Variants in C10orf90 observed in about 807,000 individuals in gnomAD.
C10orf90 encodes chromosome 10 open reading frame 90.
In C10orf90, 56 loss-of-function variants were observed where a neutral mutation model predicts 62.5. The observed-to-expected ratio is 0.90, with a 90% CI of 0.72 to 1.12. The LOEUF (loss-of-function observed/expected upper bound fraction) is 1.12. Ranked by LOEUF, C10orf90 falls within the 50% of genes most tolerant of loss-of-function variation. C10orf90 has a pLI of 0.00. For synonymous variants in C10orf90, 386 were observed against 340.4 expected, an observed-to-expected ratio of 1.13 and a Z score of -1.47; for missense variants, 970 against 880.4, an observed-to-expected ratio of 1.10 and a Z score of -1.29.
At chr10:126,429,577 C>A (rs1426673540) in intron 8 of C10orf90, among the ~76,000 whole-genome samples, 4 of 152,230 alleles carry the variant, frequency 2.6e-5, no homozygotes, top group Non-Finnish European at 5.9e-5. Context: ...TACCACTTTC[C>A]TAAGGTTTTT....
chr10:126,521,434 C>T, intron 2 of C10orf90: 1 of 1,557,854 alleles, frequency 6.4e-7, no homozygotes, highest in Non-Finnish European at 8.7e-7. Context: ...TGTGGCTAGG[C>T]TCAGAATGAG....
At chr10:126,496,199 T>G (rs551304920) in intron 4 of C10orf90, among the ~76,000 whole-genome samples, 1 of 152,320 alleles carries the variant, frequency 6.6e-6, no homozygotes, top group South Asian at 2.1e-4. Flanking sequence ...CCATTAATAA[T>G]GACTCTCTCC....
intron 4 of C10orf90, among the ~76,000 whole-genome samples, chr10:126,500,422 A>G (rs2133870579): frequency 6.6e-6 from 1 of 152,364 alleles, no homozygotes; most frequent in Middle Eastern, 3.4e-3. Flanking sequence ...GATACTCTTT[A>G]CAGATGGTTG....
chr10:126,658,040 G>A (rs1166692400), intron 1 of C10orf90, among the ~76,000 whole-genome samples: 6 of 152,314 alleles, frequency 3.9e-5, no homozygotes, highest in Admixed American at 6.5e-5. Flanking sequence ...CTCATTCACA[G>A]ACTTTGGGTG....
At chr10:126,658,954 A>C (rs1846451823) in intron 1 of C10orf90, among the ~76,000 whole-genome samples, 1 of 152,210 alleles carries the variant, frequency 6.6e-6, no homozygotes, top group Non-Finnish European at 1.5e-5. Flanking sequence ...TCCAGATTGC[A>C]GAGGCTGAAC....
rs547926994 is a variant in C10orf90 at position 126,508,102 on chromosome 10, C to T, written c.406-3017G>A. Among the ~76,000 whole-genome samples the T allele has an allele frequency of 7.4e-5, 11 of 149,270 alleles. No individual in the cohort carries two copies. In the East Asian group the frequency reaches 7.9e-4, roughly 11 times the overall value. On this transcript the variant is annotated intron_variant, in intron 3 of 9. Transcript: ENST00000488181. ...GTCTTATTTTATAGGGCAATGTTTC[C>T]CAAAGTTTGCGCCAGGGACTGCCTG...
intron 2 of C10orf90, among the ~76,000 whole-genome samples, chr10:126,628,585 G>T (rs941892599): frequency 2.0e-5 from 3 of 152,194 alleles, no homozygotes; most frequent in Non-Finnish European, 2.9e-5. Flanking sequence ...TGCTGATCTT[G>T]CTAGAGGTCA....
rs775464275 is a variant in C10orf90 at position 126,507,500 on chromosome 10, C to CAAAA, written c.406-2419_406-2416dup. Among the ~76,000 whole-genome samples, 238 of 114,170 alleles carry CAAAA rather than the reference C, an allele frequency of 2.1e-3. 2 individuals carry two copies. Among genetic ancestry groups the CAAAA allele is most frequent in the African/African-American group, 7.2e-3 (223 of 31,142 alleles). 74.9% of individuals were successfully genotyped at this position (114,170 alleles called of 152,430 possible). On this transcript the variant is annotated intron_variant, in intron 3 of 9. Transcript: ENST00000488181. ...CAAAATATCCATGGCTACTTTTTTCCAAAAAAAAAAAAAAAGGTCAATGCA... is the reference window on the plus strand; with the variant it reads ...CAAAATATCCATGGCTACTTTTTTCCAAAAAAAAAAAAAAAAAAAGGTCAATGCA...
At chr10:126,605,077 T>A (rs1170664826) in intron 2 of C10orf90, among the ~76,000 whole-genome samples, 2 of 152,244 alleles carry the variant, frequency 1.3e-5, no homozygotes, top group East Asian at 3.8e-4. Flanking sequence ...TTACTTCATG[T>A]CTTCAGTCAC....
intron 2 of C10orf90, among the ~76,000 whole-genome samples, chr10:126,575,821 A>G (rs1396611959): frequency 1.3e-5 from 2 of 152,082 alleles, no homozygotes; most frequent in East Asian, 1.9e-4. Context: ...AAGAACACTC[A>G]TTGGATAATC....
At chr10:126,634,175 C>CA (rs2133833856) in intron 2 of C10orf90, among the ~76,000 whole-genome samples, 1 of 152,304 alleles carries the variant, frequency 6.6e-6, no homozygotes, top group East Asian at 1.9e-4. Flanking sequence ...CAAATATCTG[C>CA]ACTCCCATGT....
At chr10:126,636,333 G>A (rs1224682110) in intron 2 of C10orf90, among the ~76,000 whole-genome samples, 3 of 152,148 alleles carry the variant, frequency 2.0e-5, no homozygotes, top group African/African-American at 7.2e-5. Context: ...TTAAGGGCAA[G>A]TTATCAGCGT....
At chr10:126,647,101 G>A (rs1846187024) in intron 1 of C10orf90, among the ~76,000 whole-genome samples, 1 of 152,202 alleles carries the variant, frequency 6.6e-6, no homozygotes, top group Non-Finnish European at 1.5e-5. Flanking sequence ...AAACTATTCT[G>A]TTGTCTTCAG....
At chr10:126,563,295 G>A (rs915706555) in intron 2 of C10orf90, among the ~76,000 whole-genome samples, 19 of 152,174 alleles carry the variant, frequency 1.2e-4, no homozygotes, top group South Asian at 2.1e-4. Flanking sequence ...CATCTGGCCT[G>A]TGACAGAATG....
chr10:126,587,587 C>T (rs1408943856), intron 2 of C10orf90, among the ~76,000 whole-genome samples: 1 of 152,184 alleles, frequency 6.6e-6, no homozygotes, highest in Non-Finnish European at 1.5e-5. Context: ...ACCCCATCTC[C>T]CAATGCCATC....
intron 2 of C10orf90, among the ~76,000 whole-genome samples, chr10:126,638,066 A>T (rs1183767689): frequency 3.9e-5 from 6 of 152,178 alleles, no homozygotes; most frequent in African/African-American, 1.4e-4. Flanking sequence ...AGCGTGGCTG[A>T]CAACAGCGGT....
intron 2 of C10orf90, among the ~76,000 whole-genome samples, chr10:126,531,072 G>A (rs183070257): frequency 3.3e-5 from 5 of 151,864 alleles, no homozygotes; most frequent in African/African-American, 4.8e-5. Flanking sequence ...TACTCAGGAG[G>A]CTGAGGCAGG....
chr10:126,500,726 C>T (rs971100622), intron 4 of C10orf90, among the ~76,000 whole-genome samples: 3 of 152,114 alleles, frequency 2.0e-5, no homozygotes, highest in South Asian at 2.1e-4. Context: ...CAGGTGCTCA[C>T]GCGTCTATTG....
chr10:126,587,681 G>C, intron 2 of C10orf90, among the ~76,000 whole-genome samples: 1 of 152,226 alleles, frequency 6.6e-6, no homozygotes, highest in Non-Finnish European at 1.5e-5. Flanking sequence ...CCTTAGAGGT[G>C]AGATGTGGTT....
Sources: gnomAD v4.1 joint callset for allele counts (sites outside exome capture counted in the v4.1 genomes callset) on GRCh38, gnomAD v4.1.1 for gene constraint, MANE v1.5 for transcripts, NCBI Gene and HGNC (gene_info 2026-07-23, HGNC 2026-07-21) for gene names.